The following MAX variants were observed in gnomAD, a reference collection of about 807,000 sequenced individuals.
MAX encodes the protein protein max.
MAX carries 3 observed loss-of-function variants against 22.3 expected under a neutral mutation model. The observed-to-expected ratio is 0.13, with a 90% CI of 0.06 to 0.35. The LOEUF is 0.35. Among genes scored for constraint, MAX ranks in the 10% least tolerant of loss-of-function variants. MAX has a pLI of 1.00. For synonymous variants in MAX, 72 were observed against 77.7 expected (o/e 0.93, Z 0.39); for missense variants, 119 against 209.4 (o/e 0.57, Z 2.66).
Position 65,013,325 on chromosome 14 carries a change from C to CTT in MAX, c.172-7043_172-7042dup, listed in dbSNP as rs11413261. Among the ~76,000 whole-genome samples, 129 of 146,764 alleles carry CTT rather than the reference C, an allele frequency of 8.8e-4. No homozygotes were observed. The East Asian group carries it at 0.012, about 14-fold the overall frequency. On this transcript the variant is annotated intron_variant, in intron 3 of 3. Transcript: ENST00000341653. ...AGGGTTGCCAAATCATCTTTGTTTCCTTTTTTTTTTTTCTTCCTCCAAATG... is the reference window on the plus strand; with the variant it reads ...AGGGTTGCCAAATCATCTTTGTTTCCTTTTTTTTTTTTTTCTTCCTCCAAATG...
Position 65,077,820 on chromosome 14 carries a change from C to T in MAX, c.295+93G>A. The T allele has an allele frequency of 1.9e-6, 3 of 1,614,186 alleles. No homozygotes were observed. The highest frequency in any genetic ancestry group is 2.5e-6 in the Non-Finnish European group (3 of 1,180,046). ...CAAGCCTGCTACTGAGCACATACTC[C>T]ATGACTGGCTCTGACTCTGCAGGCC... is the stretch of plus-strand genomic sequence containing the variant. On this transcript the variant is annotated intron_variant, in intron 4 of 4. Coordinates refer to ENST00000358664, the MANE Select transcript of MAX (RefSeq NM_002382.5). The surrounding 1 kb of genome is among the most constrained non-coding windows in gnomAD (Gnocchi z 6.3).
At chr14:65,022,269 G>T in intron 3 of MAX, 5 of 303,360 alleles carry the variant, frequency 1.6e-5, no homozygotes, top group East Asian at 8.9e-5. Context: ...TTCCAAAGCT[G>T]TAATCTTTTT....
intron 3 of MAX, among the ~76,000 whole-genome samples, chr14:65,056,468 C>T (rs1045848485): frequency 8.5e-5 from 13 of 152,168 alleles, no homozygotes; most frequent in African/African-American, 3.1e-4. Flanking sequence ...AACTGCTCCC[C>T]AGTGTGGTTG....
At chr14:65,080,511 AG>A (rs1172644963) in intron 3 of MAX, among the ~76,000 whole-genome samples, 1 of 152,152 alleles carries the variant, frequency 6.6e-6, no homozygotes, top group Non-Finnish European at 1.5e-5. Flanking sequence ...TAGAGTGGCA[AG>A]GAAGAATTTG....
At chr14:65,024,936 TG>T (rs755755122) in intron 3 of MAX, among the ~76,000 whole-genome samples, 2 of 152,182 alleles carry the variant, frequency 1.3e-5, no homozygotes, top group African/African-American at 4.8e-5. Context: ...TTTGTTTGTT[TG>T]TTTTTTTTAA....
At chr14:65,058,527 C>T (rs2062793393) in intron 3 of MAX, among the ~76,000 whole-genome samples, 1 of 152,190 alleles carries the variant, frequency 6.6e-6, no homozygotes, top group African/African-American at 2.4e-5. Context: ...GCATTCGTCT[C>T]TTGCTCCTGA....
intron 3 of MAX, among the ~76,000 whole-genome samples, chr14:65,024,467 G>A (rs895514124): frequency 1.3e-5 from 2 of 152,082 alleles, no homozygotes; most frequent in African/African-American, 4.8e-5. Context: ...AGCAGGACTG[G>A]GTCTCTGTAT....
At position 65,076,258 on chromosome 14, in the gene MAX, T is replaced by C; in HGVS notation, c.*218A>G. On this transcript the variant is annotated 3_prime_UTR_variant, in exon 5 of 5. Transcript: ENST00000358664. The surrounding 1 kb of genome is among the most constrained non-coding windows in gnomAD (Gnocchi z 6.6). Reference sequence around the variant, plus strand: ...ATTCCTGTTGGGGACAGGGAATCCCTGAAGGGAATACATTAAAAAATATAC... The same window carrying C: ...ATTCCTGTTGGGGACAGGGAATCCCCGAAGGGAATACATTAAAAAATATAC... 1 of 1,433,392 alleles carries C rather than the reference T, an allele frequency of 7.0e-7. No homozygotes were observed. The highest frequency in any genetic ancestry group is 1.5e-5 in the South Asian group (1 of 65,324). 88.8% of individuals were successfully genotyped at this position (1,433,392 alleles called of 1,614,324 possible). A position where few individuals can be genotyped will look rare whatever the true frequency, so the allele number is the denominator to read the frequency against.
chr14:65,086,728 C>A (rs138149678), intron 3 of MAX, among the ~76,000 whole-genome samples: 14 of 152,306 alleles, frequency 9.2e-5, no homozygotes, highest in African/African-American at 2.9e-4. Context: ...AAATTTGTAG[C>A]CTGACAATGT....
intron 3 of MAX, among the ~76,000 whole-genome samples, chr14:65,035,308 G>A (rs1353317072): frequency 6.6e-6 from 1 of 152,156 alleles, no homozygotes; most frequent in African/African-American, 2.4e-5. Context: ...GCTGTTCTCT[G>A]TTCCAAGTTT....
rs1006648280 is a variant in MAX, at chr14:65,084,838, T to C, written c.172-6802A>G. On this transcript the variant is annotated intron_variant, in intron 3 of 4. Coordinates refer to ENST00000358664, the MANE Select transcript of MAX (RefSeq NM_002382.5). The surrounding 1 kb of genome is among the most constrained non-coding windows in gnomAD (Gnocchi z 4.3). Reference sequence around the variant, plus strand: ...GAATACACAAATTGATAACACTATATTTCCTTGCTTGTTAGACTCCATCAA... The same window carrying C: ...GAATACACAAATTGATAACACTATACTTCCTTGCTTGTTAGACTCCATCAA... Among the ~76,000 whole-genome samples, 8 of 152,328 alleles carry C rather than the reference T, an allele frequency of 5.3e-5. No individual in the cohort carries two copies. The East Asian group carries it at 1.2e-3, about 22-fold the overall frequency.
At chr14:65,092,574 G>C (rs1034478961) in intron 3 of MAX, among the ~76,000 whole-genome samples, 4 of 152,150 alleles carry the variant, frequency 2.6e-5, no homozygotes, top group African/African-American at 9.7e-5. Flanking sequence ...ATTAAATCAA[G>C]TCCACACTAA....
chr14:65,083,982 C>A, intron 3 of MAX: 1 of 1,449,566 alleles, frequency 6.9e-7, no homozygotes, highest in Non-Finnish European at 9.1e-7. Context: ...CCATCAATGC[C>A]AGCAAAGGAG....
chr14:65,102,427 C>T lies in MAX; in HGVS notation c.-88G>A, dbSNP rs1328025923. On this transcript the variant is annotated 5_prime_UTR_variant, in exon 1 of 5. Coordinates refer to ENST00000358664, the MANE Select transcript of MAX (RefSeq NM_002382.5). The stretch of plus-strand genomic sequence containing the variant: ...GGGGAAGTCACCGACAACAACAAGC[C>T]GAGTCCCCCCCACACACACACTCAC... 1 of 1,560,294 alleles carries T rather than the reference C, an allele frequency of 6.4e-7. No individual in the cohort carries two copies.
rs2139751204 is a variant in MAX, at chr14:65,077,873, G to A, written c.295+40C>T. On this transcript the variant is annotated intron_variant, in intron 4 of 4. Transcript: ENST00000358664. The surrounding 1 kb of genome is among the most constrained non-coding windows in gnomAD (Gnocchi z 6.3). ...GGTGCCAAAGCCTGACCTGGCTGGA[G>A]CACAGCAGGGCCAGCTGCCCCACGA... The A allele has an allele frequency of 6.2e-7, 1 of 1,614,226 alleles. No individual in the cohort carries two copies. Among genetic ancestry groups the A allele is most frequent in the Non-Finnish European group, 8.5e-7 (1 of 1,180,042 alleles).
rs2062013680 is a variant in MAX, at chr14:65,027,936, G to C, written c.172-21652C>G. Among the ~76,000 whole-genome samples the C allele has an allele frequency of 1.3e-5, 2 of 152,246 alleles. No homozygotes were observed. The highest frequency in any genetic ancestry group is 2.9e-5 in the Non-Finnish European group (2 of 68,048). On this transcript the variant is annotated intron_variant, in intron 3 of 3. Transcript: ENST00000341653. This position sits in a 1 kb window ranked among gnomAD's most constrained non-coding sequence, Gnocchi z 5.7. The stretch of plus-strand genomic sequence containing the variant: ...GTCAGTGACACGTCAGAATCATTCA[G>C]ATGTGATGCAGATGTCCTCAGGTGT...
chr14:65,059,959 A>G (rs2062824303), intron 3 of MAX, among the ~76,000 whole-genome samples: 1 of 149,102 alleles, frequency 6.7e-6, no homozygotes, highest in Non-Finnish European at 1.5e-5. Flanking sequence ...TCAGCCTCCC[A>G]ACTAGCTGGG....
At chr14:65,102,602 G>C, upstream of MAX, 1 of 1,395,670 alleles carries the variant, frequency 7.2e-7, no homozygotes, top group South Asian at 1.6e-5. Context: ...GCCGAGACTT[G>C]TAGTTCTTGT....
chr14:65,077,264 G>T lies in MAX; in HGVS notation c.296-601C>A. ...ACTGCCCATCCCTTGGTTCAGCTCA[G>T]CTTGAGCCTGGAAGGTCAACCCATT... On this transcript the variant is annotated intron_variant, in intron 4 of 4. Coordinates refer to ENST00000358664, the MANE Select transcript of MAX (RefSeq NM_002382.5). This position sits in a 1 kb window ranked among gnomAD's most constrained non-coding sequence, Gnocchi z 6.3. 8.9e-7 allele frequency: 1 copy of T among 1,118,028 alleles called. No individual in the cohort carries two copies. The highest frequency in any genetic ancestry group is 1.3e-6 in the Non-Finnish European group (1 of 755,750). 69.3% of individuals were successfully genotyped at this position (1,118,028 alleles called of 1,614,324 possible).
Sources: allele counts gnomAD v4.1 joint callset (sites outside exome capture counted in the v4.1 genomes callset), GRCh38; gene constraint gnomAD v4.1.1; non-coding constraint Gnocchi (gnomAD v3.1); transcripts MANE v1.5; gene names NCBI Gene and HGNC (gene_info 2026-07-23, HGNC 2026-07-21).